Variants in RIN2 observed in about 807,000 individuals in gnomAD.
RIN2 encodes RAB5 interacting protein 2.
RIN2 carries 36 observed loss-of-function variants against 78.0 expected under a neutral mutation model. That is an observed-to-expected ratio of 0.46 (90% CI 0.35 to 0.61). The LOEUF (loss-of-function observed/expected upper bound fraction) is 0.61. Among genes scored for constraint, RIN2 ranks in the 20% least tolerant of loss-of-function variants. The pLI is 0.00. For missense variants in RIN2, 1,087 were observed against 1,159.7 expected, an observed-to-expected ratio of 0.94 and a Z score of 0.91; for synonymous variants, 466 against 466.8, an observed-to-expected ratio of 1.00 and a Z score of 0.02.
chr20:19,954,860 C>T (rs2041471360), intron 4 of RIN2, among the ~76,000 whole-genome samples: 1 of 152,096 alleles, frequency 6.6e-6, no homozygotes, highest in Admixed American at 6.5e-5. Context: ...CTTCTTAGGC[C>T]TCGGTCTTCT....
chr20:19,787,186 G>T (rs978216220), intron 1 of RIN2, among the ~76,000 whole-genome samples: 1 of 152,068 alleles, frequency 6.6e-6, no homozygotes, highest in East Asian at 1.9e-4. Flanking sequence ...ACTTTGGGAG[G>T]CCGAGGCAGG....
chr20:19,970,831 C>T lies in RIN2; in HGVS notation c.537-7C>T. ...TACAAACATTCTCTCTTTTTCTGAA[C>T]AATCAGGGATGTTCTACCATTTACC... On this transcript the variant is annotated splice_polypyrimidine_tract_variant and splice_region_variant and intron_variant, in intron 7 of 12. Coordinates refer to ENST00000255006, the MANE Select transcript of RIN2 (RefSeq NM_018993.4). The T allele has an allele frequency of 6.2e-7, 1 of 1,602,156 alleles. No individual in the cohort carries two copies. Among genetic ancestry groups the T allele is most frequent in the South Asian group, 1.1e-5 (1 of 90,236 alleles).
intron 3 of RIN2, among the ~76,000 whole-genome samples, chr20:19,900,945 CAAAAAAAAAAA>C (rs869239642): frequency 4.1e-4 from 12 of 29,594 alleles, no homozygotes; most frequent in South Asian, 1.4e-3. Flanking sequence ...AGCTCTGTCT[CAAAAAAAAAAA>C]AAAAAAAAAA....
intron 1 of RIN2, among the ~76,000 whole-genome samples, chr20:19,794,163 TAGAAA>T (rs1411312896): frequency 1.3e-5 from 2 of 151,886 alleles, no homozygotes; most frequent in Non-Finnish European, 2.9e-5. Flanking sequence ...ATGTACAGAA[TAGAAA>T]AGAAAAGAAA....
intron 2 of RIN2, among the ~76,000 whole-genome samples, chr20:19,886,972 CTA>C (rs2038225192): frequency 1.3e-5 from 2 of 151,810 alleles, no homozygotes; most frequent in African/African-American, 2.4e-5. Flanking sequence ...CTATAGCTAA[CTA>C]TAGCTACTAC....
At chr20:19,874,441 T>G (rs1246548590) in intron 2 of RIN2, among the ~76,000 whole-genome samples, 2 of 152,188 alleles carry the variant, frequency 1.3e-5, no homozygotes, top group African/African-American at 4.8e-5. Flanking sequence ...TACCATGAAG[T>G]ACAACAATTG....
At chr20:19,791,056 T>C (rs1020459124) in intron 1 of RIN2, among the ~76,000 whole-genome samples, 19 of 152,354 alleles carry the variant, frequency 1.2e-4, no homozygotes, top group African/African-American at 4.1e-4. Context: ...ACTCATCTTC[T>C]GCATCTCTTT....
chr20:19,863,788 G>C (rs944810407), intron 2 of RIN2, among the ~76,000 whole-genome samples: 3 of 152,100 alleles, frequency 2.0e-5, no homozygotes, highest in African/African-American at 7.2e-5. Flanking sequence ...TCCCAGAATG[G>C]TTGTTTCTGC....
chr20:19,923,421 AAAAT>A (rs1295477146), intron 3 of RIN2, among the ~76,000 whole-genome samples: 13 of 117,636 alleles, frequency 1.1e-4, no homozygotes, highest in Admixed American at 3.2e-4. Flanking sequence ...GTCTCAAAAT[AAAAT>A]AAATAAAATA....
chr20:19,982,973 A>G (rs896483507), intron 9 of RIN2, among the ~76,000 whole-genome samples: 1 of 152,184 alleles, frequency 6.6e-6, no homozygotes, highest in Non-Finnish European at 1.5e-5. Context: ...AAAGCAAACT[A>G]TATTGGCTGC....
At chr20:19,856,231 G>A (rs770370503) in intron 2 of RIN2, among the ~76,000 whole-genome samples, 2 of 152,172 alleles carry the variant, frequency 1.3e-5, no homozygotes, top group East Asian at 3.9e-4. Flanking sequence ...TGTGCATGAC[G>A]ACATTCTGTG....
intron 2 of RIN2, among the ~76,000 whole-genome samples, chr20:19,832,616 C>A (rs1161051868): frequency 6.6e-6 from 1 of 151,740 alleles, no homozygotes; most frequent in Non-Finnish European, 1.5e-5. Flanking sequence ...TTCCTTAGTC[C>A]CTCAGTGCCC....
chr20:19,937,278 G>A (rs2040683918), intron 4 of RIN2, among the ~76,000 whole-genome samples: 2 of 152,214 alleles, frequency 1.3e-5, no homozygotes, highest in Non-Finnish European at 2.9e-5. Context: ...GGGAGAGGAG[G>A]GAAGAGGAAA....
rs574848285 is a variant in RIN2 at position 19,883,034 on chromosome 20, A to C, written c.-36-6532A>C. On this transcript the variant is annotated intron_variant, in intron 2 of 12. Transcript: ENST00000255006. ...GTACTCAGATTTTTGACGGCTCAGA[A>C]CCCTTACCCCATCCATTGTTCAAGG... 3.9e-5 allele frequency among the ~76,000 whole-genome samples: 6 copies of C among 152,218 alleles called. No homozygotes were observed. In the East Asian group the frequency reaches 1.2e-3, roughly 29 times the overall value.
At chr20:19,828,034 G>A (rs1428808753) in intron 2 of RIN2, among the ~76,000 whole-genome samples, 1 of 152,020 alleles carries the variant, frequency 6.6e-6, no homozygotes, top group Non-Finnish European at 1.5e-5. Flanking sequence ...TGAGTTCATT[G>A]CAAAGGTGCA....
intron 3 of RIN2, among the ~76,000 whole-genome samples, chr20:19,892,075 T>C (rs1421514921): frequency 1.3e-5 from 2 of 152,196 alleles, no homozygotes; most frequent in African/African-American, 4.8e-5. Flanking sequence ...GAGGTCTGCC[T>C]GACCCCGCCA....
At chr20:19,987,114 G>A (rs1034659906) in intron 9 of RIN2, among the ~76,000 whole-genome samples, 1 of 152,250 alleles carries the variant, frequency 6.6e-6, no homozygotes, top group Non-Finnish European at 1.5e-5. Context: ...TTCTGGAGCA[G>A]TAATGTGAGC....
intron 4 of RIN2, among the ~76,000 whole-genome samples, chr20:19,939,347 C>T (rs2040771712): frequency 6.6e-6 from 1 of 152,150 alleles, no homozygotes; most frequent in South Asian, 2.1e-4. Flanking sequence ...CGTGCTTGGC[C>T]TCTACCTTTA....
intron 2 of RIN2, among the ~76,000 whole-genome samples, chr20:19,881,948 C>T (rs1007840782): frequency 4.6e-5 from 7 of 152,126 alleles, no homozygotes; most frequent in African/African-American, 1.7e-4. Context: ...TATTGACTGT[C>T]TAAGAATTAC....
Sources: gnomAD v4.1 joint callset for allele counts (sites outside exome capture counted in the v4.1 genomes callset) on GRCh38, gnomAD v4.1.1 for gene constraint, MANE v1.5 for transcripts, NCBI Gene and HGNC (gene_info 2026-07-23, HGNC 2026-07-21) for gene names.